The following PRKN variants were observed in gnomAD, a reference collection of about 807,000 sequenced individuals.
The protein encoded by PRKN is E3 ubiquitin-protein ligase parkin.
A neutral mutation model predicts 59.5 loss-of-function variants in PRKN; 56 were observed. That is an observed-to-expected ratio of 0.94 (90% CI 0.76 to 1.18). The LOEUF (loss-of-function observed/expected upper bound fraction) is 1.18, where lower values mean the gene tolerates loss of function less well. Ranked by LOEUF, PRKN falls within the 50% of genes most tolerant of loss-of-function variation. The pLI, the probability that PRKN is intolerant of heterozygous loss-of-function variation, is 0.00. For synonymous variants in PRKN, 250 were observed against 222.1 expected, an observed-to-expected ratio of 1.13 and a Z score of -1.12; for missense variants, 657 against 596.4, an observed-to-expected ratio of 1.10 and a Z score of -1.06.
At chr6:162,280,193 T>C (rs1780826544) in intron 2 of PRKN, among the ~76,000 whole-genome samples, 2 of 152,184 alleles carry the variant, frequency 1.3e-5, no homozygotes, top group African/African-American at 4.8e-5. Flanking sequence ...CTACTACGTG[T>C]GAATTTGTTC....
intron 4 of PRKN, among the ~76,000 whole-genome samples, chr6:162,126,908 C>T (rs760882841): frequency 1.3e-5 from 2 of 152,164 alleles, no homozygotes; most frequent in Non-Finnish European, 2.9e-5. Flanking sequence ...CCCATGTTCT[C>T]TCACTGAACT....
chr6:162,452,953 CA>C (rs959807753), intron 1 of PRKN, among the ~76,000 whole-genome samples: 2 of 151,992 alleles, frequency 1.3e-5, no homozygotes, highest in Admixed American at 1.3e-4. Context: ...ATTAATATCA[CA>C]AAAAATAGAT....
intron 6 of PRKN, among the ~76,000 whole-genome samples, chr6:161,950,742 C>T (rs1354556502): frequency 6.6e-6 from 1 of 152,008 alleles, no homozygotes; most frequent in Non-Finnish European, 1.5e-5. Flanking sequence ...ATGAGGGAAA[C>T]ATTTAAATAT....
chr6:161,913,741 T>TC (rs1387349906), intron 6 of PRKN, among the ~76,000 whole-genome samples: 1 of 152,190 alleles, frequency 6.6e-6, no homozygotes, highest in Non-Finnish European at 1.5e-5. Context: ...TGCTTGTGTC[T>TC]CCCCCAAATT....
At chr6:161,757,563 C>T (rs1015248838) in intron 7 of PRKN, among the ~76,000 whole-genome samples, 14 of 151,982 alleles carry the variant, frequency 9.2e-5, no homozygotes, top group African/African-American at 2.4e-4. Context: ...TCAGGCCAGG[C>T]GCAGTGGCTT....
At chr6:161,952,625 AATAC>A (rs1158112096) in intron 6 of PRKN, among the ~76,000 whole-genome samples, 4 of 152,316 alleles carry the variant, frequency 2.6e-5, no homozygotes, top group Non-Finnish European at 4.4e-5. Context: ...TCAAAAAATA[AATAC>A]ATACATAACA....
chr6:161,703,856 TTTTTTTTTTTTTTTTTTTTTA>T (rs1786368812), intron 7 of PRKN, among the ~76,000 whole-genome samples: 2 of 121,306 alleles, frequency 1.6e-5, no homozygotes, highest in African/African-American at 7.4e-5. Context: ...TTTTTTTTTT[TTTTTTTTTTTTTTTTTTTTTA>T]CAGAGTCTTG....
intron 6 of PRKN, among the ~76,000 whole-genome samples, chr6:161,871,226 G>A (rs1794329709): frequency 6.6e-6 from 1 of 152,050 alleles, no homozygotes; most frequent in African/African-American, 2.4e-5. Context: ...ATCACAGAAT[G>A]TTTCTTATTT....
rs966057620 is a variant in PRKN at position 161,379,564 on chromosome 6, C to A, written c.1167+7230G>T. 2.6e-5 allele frequency among the ~76,000 whole-genome samples: 4 copies of A among 152,194 alleles called. No individual in the cohort carries two copies. Among genetic ancestry groups the A allele is most frequent in the African/African-American group, 9.7e-5 (4 of 41,426 alleles). ...CTGGGTATGTCCGCAGCAGACAGCT[C>A]TCTGCCAAGTCTCTACCCGGGAAGT... On this transcript the variant is annotated intron_variant, in intron 10 of 11. Coordinates refer to ENST00000366898, the MANE Select transcript of PRKN (RefSeq NM_004562.3). This position sits in a 1 kb window ranked among gnomAD's most constrained non-coding sequence, Gnocchi z 4.9.
chr6:162,470,114 T>C (rs949951830), intron 1 of PRKN, among the ~76,000 whole-genome samples: 2 of 152,116 alleles, frequency 1.3e-5, no homozygotes, highest in Non-Finnish European at 2.9e-5. Context: ...CAGCTCTCTA[T>C]CAATGACAGG....
chr6:161,889,615 A>C (rs892919654), intron 6 of PRKN, among the ~76,000 whole-genome samples: 4 of 152,228 alleles, frequency 2.6e-5, no homozygotes, highest in Non-Finnish European at 4.4e-5. Context: ...ATTTGCAGTG[A>C]GGGAAGAGTT....
At chr6:162,392,206 C>G (rs1179472830) in intron 2 of PRKN, among the ~76,000 whole-genome samples, 6 of 152,016 alleles carry the variant, frequency 3.9e-5, no homozygotes, top group Non-Finnish European at 8.8e-5. Context: ...AGTATTTTCT[C>G]TCATTATTGT....
intron 9 of PRKN, among the ~76,000 whole-genome samples, chr6:161,436,562 C>T (rs991711210): frequency 1.3e-5 from 2 of 151,828 alleles, no homozygotes; most frequent in East Asian, 1.9e-4. Context: ...TGGTAGGTTC[C>T]TGCATTCATG....
At chr6:161,883,798 G>A (rs1394392096) in intron 6 of PRKN, among the ~76,000 whole-genome samples, 3 of 151,776 alleles carry the variant, frequency 2.0e-5, no homozygotes, top group East Asian at 3.9e-4. Flanking sequence ...GATTACAGCC[G>A]CGCGCCACCA....
At chr6:161,641,264 T>C (rs575307738) in intron 7 of PRKN, among the ~76,000 whole-genome samples, 1 of 152,358 alleles carries the variant, frequency 6.6e-6, no homozygotes, top group Non-Finnish European at 1.5e-5. Context: ...AGCTGGAGGC[T>C]GCAAAATTCT....
At chr6:161,757,946 T>TACAGTTAA (rs1789023065) in intron 7 of PRKN, among the ~76,000 whole-genome samples, 2 of 134,926 alleles carry the variant, frequency 1.5e-5, no homozygotes, top group African/African-American at 5.4e-5. Context: ...TATATATGTA[T>TACAGTTAA]ATATATATAC....
rs4256407 is a variant in PRKN, at chr6:162,095,720, G to T, written c.535-41546C>A. ...CTGATGCAAACTTAATATCCAGAAA[G>T]AATTCTGGTGCAGGAATGGTTTGGT... On this transcript the variant is annotated intron_variant, in intron 4 of 11. Coordinates refer to ENST00000366898, the MANE Select transcript of PRKN (RefSeq NM_004562.3). Among the ~76,000 whole-genome samples, 126 of 152,228 alleles carry T rather than the reference G, an allele frequency of 8.3e-4. 1 individual carries two copies. The highest frequency in any genetic ancestry group is 2.6e-3 in the African/African-American group (109 of 41,536).
At chr6:162,019,413 C>G (rs1184173768) in intron 5 of PRKN, among the ~76,000 whole-genome samples, 1 of 152,160 alleles carries the variant, frequency 6.6e-6, no homozygotes, top group Admixed American at 6.5e-5. Flanking sequence ...CTCTGGCATG[C>G]CTCGGTGCAC....
At chr6:161,948,065 A>AACCTCC (rs976025688) in intron 6 of PRKN, among the ~76,000 whole-genome samples, 1 of 151,908 alleles carries the variant, frequency 6.6e-6, no homozygotes, top group African/African-American at 2.4e-5. Context: ...GGCTCACTGC[A>AACCTCC]ACCTCCACCT....
Sources: allele counts gnomAD v4.1 joint callset (sites outside exome capture counted in the v4.1 genomes callset), GRCh38; gene constraint gnomAD v4.1.1; non-coding constraint Gnocchi (gnomAD v3.1); transcripts MANE v1.5; gene names NCBI Gene and HGNC (gene_info 2026-07-23, HGNC 2026-07-21).